COPZ1: variants seen among roughly 807,000 people sequenced by gnomAD.
COPZ1 encodes coatomer subunit zeta-1.
In COPZ1, 4 loss-of-function variants were observed where a neutral mutation model predicts 31.7. The ratio of observed to expected loss-of-function variants is 0.13; its 90% CI spans 0.06 to 0.29. COPZ1 has a LOEUF of 0.29. Ranked by LOEUF, COPZ1 falls within the 10% of genes least tolerant of loss-of-function variation. The pLI, the probability that COPZ1 is intolerant of heterozygous loss-of-function variation, is 1.00. For missense variants in COPZ1, 156 were observed against 211.5 expected (o/e 0.74, Z 1.63); for synonymous variants, 74 against 79.0 (o/e 0.94, Z 0.33).
intron 1 of COPZ1, among the ~76,000 whole-genome samples, chr12:54,335,040 G>A (rs1027838146): frequency 2.0e-5 from 3 of 151,976 alleles, no homozygotes; most frequent in Admixed American, 1.3e-4. Flanking sequence ...TGGGCATGGT[G>A]GCAGTCACCT....
intron 1 of COPZ1, 35 bp downstream of exon 1, chr12:54,325,216 G>A (rs1161220465): frequency 6.4e-7 from 1 of 1,551,760 alleles, no homozygotes; most frequent in East Asian, 2.4e-5. Context: ...ATGCTGTGGT[G>A]TCCACAGGGG....
intron 8 of COPZ1, 86 bp downstream of exon 8, chr12:54,349,744 G>A: frequency 1.8e-6 from 2 of 1,099,330 alleles, no homozygotes; most frequent in East Asian, 4.7e-5. Context: ...TCAAATCTGA[G>A]TGAAACTAGA....
At chr12:54,326,669 G>GTGTGTGTT (rs1953651980) in intron 1 of COPZ1, among the ~76,000 whole-genome samples, 1 of 149,640 alleles carries the variant, frequency 6.7e-6, no homozygotes, top group Non-Finnish European at 1.5e-5. Context: ...GTGTGTGTGT[G>GTGTGTGTT]TGTGTGTGTG....
At chr12:54,340,947 C>T (rs1953963399) in intron 2 of COPZ1, among the ~76,000 whole-genome samples, 1 of 152,122 alleles carries the variant, frequency 6.6e-6, no homozygotes, top group Admixed American at 6.6e-5. Context: ...GATTCGCCCG[C>T]CTTGGCCTCC....
At chr12:54,328,284 A>T (rs1469015997) in intron 1 of COPZ1, among the ~76,000 whole-genome samples, 1 of 144,752 alleles carries the variant, frequency 6.9e-6, no homozygotes, top group African/African-American at 2.6e-5. Flanking sequence ...TCAAAAAAAA[A>T]AAAAAGGCCG....
At chr12:54,342,049 C>A (rs569016039) in intron 2 of COPZ1, among the ~76,000 whole-genome samples, 157 bp from the exon 3 acceptor site, 1 of 152,316 alleles carries the variant, frequency 6.6e-6, no homozygotes, top group African/African-American at 2.4e-5. Flanking sequence ...ACTGCCCATT[C>A]TCTGCCTCTA....
chr12:54,341,264 C>T (rs1647437080), intron 2 of COPZ1, among the ~76,000 whole-genome samples: 1 of 152,080 alleles, frequency 6.6e-6, no homozygotes, highest in African/African-American at 2.4e-5. Context: ...CTTGCAGTTC[C>T]AGGTTTCCAT....
rs1213777150 is a variant in COPZ1, at chr12:54,340,537, A to G, written c.19-10A>G. 19 of 1,613,964 alleles carry G rather than the reference A, an allele frequency of 1.2e-5. No individual in the cohort carries two copies. The highest frequency in any genetic ancestry group is 1.6e-5 in the Non-Finnish European group (19 of 1,179,998). The stretch of plus-strand genomic sequence containing the variant: ...GCTTCAGGACTGAAGGTATGTTCGT[A>G]TCTCTTCAGGAACCTTCCCTGTATA... On this transcript the variant is annotated splice_polypyrimidine_tract_variant and intron_variant, in intron 1 of 8. Transcript: ENST00000262061.
In COPZ1 at chr12:54,343,319, G is replaced by A; in HGVS notation, c.261+3G>A. 6.2e-7 allele frequency: 1 copy of A among 1,607,504 alleles called. No homozygotes were observed. Among genetic ancestry groups the A allele is most frequent in the Non-Finnish European group, 8.5e-7 (1 of 1,174,016 alleles). The stretch of plus-strand genomic sequence containing the variant: ...TTGGCAGCTCCTATGAAAATGAGGT[G>A]AGAATCCCCACCCCTCTTTGCTATT... On this transcript the variant is annotated splice_donor_region_variant and intron_variant, in intron 4 of 8. Coordinates refer to ENST00000262061, the MANE Select transcript of COPZ1 (RefSeq NM_016057.3).
intron 1 of COPZ1, among the ~76,000 whole-genome samples, chr12:54,334,763 A>G (rs984082582): frequency 1.1e-4 from 17 of 152,100 alleles, no homozygotes; most frequent in African/African-American, 4.1e-4. Context: ...AGGCTGAGGC[A>G]GGAGAATGGC....
chr12:54,326,640 G>GGT (rs71070816), intron 1 of COPZ1, among the ~76,000 whole-genome samples: 8,490 of 134,430 alleles, frequency 0.063, 287 homozygotes, highest in Middle Eastern at 0.09. Flanking sequence ...GATTTGGAGG[G>GGT]GTGTGTGTGT....
At chr12:54,330,779 A>G (rs1191384871) in intron 1 of COPZ1, among the ~76,000 whole-genome samples, 1 of 152,210 alleles carries the variant, frequency 6.6e-6, no homozygotes, top group South Asian at 2.1e-4. Context: ...CAGGTTGTGG[A>G]AAGGGAAACT....
Position 54,337,324 on chromosome 12 carries a change from C to T in COPZ1, c.19-3223C>T, listed in dbSNP as rs145514115. 1.3e-3 allele frequency: 703 copies of T among 533,410 alleles called. 2 individuals carry two copies. The highest frequency in any genetic ancestry group is 0.01 in the African/African-American group (545 of 52,036). The allele number at this position is 533,410 out of a possible 1,614,324, so 33.0% of individuals were successfully genotyped here. ...TCTCGAAAGCTTTCTAGCAGCTACC[C>T]ATTTTGGGAGTGGGAGGGAAGAATA... On this transcript the variant is annotated intron_variant, in intron 1 of 8. Coordinates refer to ENST00000262061, the MANE Select transcript of COPZ1 (RefSeq NM_016057.3).
intron 1 of COPZ1, among the ~76,000 whole-genome samples, chr12:54,334,800 C>T (rs1355135362): frequency 6.6e-6 from 1 of 151,154 alleles, no homozygotes; most frequent in Admixed American, 6.6e-5. Context: ...GAGCTTGCAG[C>T]GAGCCGAGAT....
chr12:54,343,401 T>C (rs1954007997), intron 4 of COPZ1, 85 bp downstream of exon 4: 1 of 1,103,354 alleles, frequency 9.1e-7, no homozygotes, highest in South Asian at 1.3e-5. Context: ...GGGGCCCTAA[T>C]AGAGCCGTGT....
intron 7 of COPZ1, 161 bp downstream of exon 7, chr12:54,348,212 T>C: frequency 3.1e-6 from 2 of 639,158 alleles, no homozygotes; most frequent in Non-Finnish European, 5.5e-6. Context: ...TCTCTTCTTA[T>C]TGTCCCAAAG....
chr12:54,326,491 A>C (rs1156534955), intron 1 of COPZ1, among the ~76,000 whole-genome samples: 1 of 147,734 alleles, frequency 6.8e-6, no homozygotes, highest in East Asian at 2.0e-4. Flanking sequence ...CTCTGGTTAC[A>C]TGAGAATTGT....
At chr12:54,341,491 C>T (rs1953972964) in intron 2 of COPZ1, among the ~76,000 whole-genome samples, 1 of 152,220 alleles carries the variant, frequency 6.6e-6, no homozygotes, top group Admixed American at 6.5e-5. Context: ...AATTCACCAG[C>T]TGTTCCTCCC....
intron 3 of COPZ1, chr12:54,342,632 G>T: frequency 3.4e-6 from 1 of 291,320 alleles, no homozygotes; most frequent in South Asian, 3.9e-5. Flanking sequence ...CCGAAGGATC[G>T]ACTAGTATCC....
Sources: allele counts gnomAD v4.1 joint callset (sites outside exome capture counted in the v4.1 genomes callset), GRCh38; gene constraint gnomAD v4.1.1; transcripts MANE v1.5; gene names NCBI Gene and HGNC (gene_info 2026-07-23, HGNC 2026-07-21).